The following SCHIP1 variants were observed in gnomAD, a reference collection of about 807,000 sequenced individuals.
SCHIP1 encodes the protein schwannomin interacting protein 1.
In SCHIP1, 8 loss-of-function variants were observed where a neutral mutation model predicts 29.7. That is an observed-to-expected ratio of 0.27 (90% CI 0.16 to 0.49). SCHIP1 has a LOEUF of 0.49. Among genes scored for constraint, SCHIP1 ranks in the 20% least tolerant of loss-of-function variants. The probability of loss-of-function intolerance (pLI) is 0.99; values close to 1 mark genes in which losing one functional copy is unlikely to be tolerated. For missense variants in SCHIP1, 193 were observed against 294.6 expected (o/e 0.66, Z 2.52); for synonymous variants, 76 against 94.9 (o/e 0.80, Z 1.16).
chr3:159,419,822 T>A, the SCHIP1 span, among the ~76,000 whole-genome samples: 7 of 151,940 alleles, frequency 4.6e-5, no homozygotes, highest in African/African-American at 1.7e-4. Flanking sequence ...GAAAAAAAAA[T>A]TAATGATATC....
chr3:159,428,104 C>T, the SCHIP1 span, among the ~76,000 whole-genome samples: 1 of 151,678 alleles, frequency 6.6e-6, no homozygotes, highest in Non-Finnish European at 1.5e-5. Context: ...AGAAGAAAAC[C>T]TAGGCAATAC....
the SCHIP1 span, among the ~76,000 whole-genome samples, chr3:159,718,027 A>G: frequency 6.6e-6 from 1 of 152,176 alleles, no homozygotes; most frequent in African/African-American, 2.4e-5. Flanking sequence ...AAAAGCTTAT[A>G]CACCGTGATT....
the SCHIP1 span, among the ~76,000 whole-genome samples, chr3:159,337,508 C>T: frequency 1.3e-5 from 2 of 152,158 alleles, no homozygotes; most frequent in East Asian, 3.8e-4. Context: ...TCTCAGGATA[C>T]AAAATCAATG....
chr3:159,626,123 TAGATAG>T, the SCHIP1 span, among the ~76,000 whole-genome samples: 2 of 121,546 alleles, frequency 1.6e-5, no homozygotes, highest in Non-Finnish European at 3.0e-5. Context: ...GATAGATAGA[TAGATAG>T]ATAGATAGAT....
the SCHIP1 span, among the ~76,000 whole-genome samples, chr3:159,762,945 A>G: frequency 6.6e-6 from 1 of 152,012 alleles, no homozygotes; most frequent in Non-Finnish European, 1.5e-5. Context: ...AGGTGGCGGA[A>G]AGAGTCTCTG....
the SCHIP1 span, among the ~76,000 whole-genome samples, chr3:159,541,203 A>T: frequency 2.0e-5 from 3 of 152,098 alleles, no homozygotes; most frequent in Non-Finnish European, 2.9e-5. Flanking sequence ...ACAAATACAG[A>T]GGACTTGGGA....
At chr3:159,839,980 C>T in exon 1 of SCHIP1, 1 of 1,430,614 alleles carries the variant, frequency 7.0e-7, no homozygotes, top group Non-Finnish European at 9.1e-7. Flanking sequence ...GGCTGGAGAG[C>T]AGCTCAGCTC....
chr3:159,690,318 T>C, the SCHIP1 span, among the ~76,000 whole-genome samples: 4 of 152,240 alleles, frequency 2.6e-5, no homozygotes, highest in Admixed American at 1.3e-4. Context: ...CCTGGTTTAG[T>C]CTTGGGAGAG....
chr3:159,437,732 A>G, the SCHIP1 span, among the ~76,000 whole-genome samples: 1 of 152,156 alleles, frequency 6.6e-6, no homozygotes, highest in Admixed American at 6.6e-5. Context: ...GCTCAAAGGA[A>G]GCCTTGTAAT....
At chr3:159,820,391 A>C in the SCHIP1 span, among the ~76,000 whole-genome samples, 1 of 152,214 alleles carries the variant, frequency 6.6e-6, no homozygotes, top group Non-Finnish European at 1.5e-5. Context: ...AAACACTTGA[A>C]ATTATAATTT....
chr3:159,339,761 C>T, the SCHIP1 span, among the ~76,000 whole-genome samples: 1 of 152,088 alleles, frequency 6.6e-6, no homozygotes, highest in Non-Finnish European at 1.5e-5. Context: ...TCCTGTTAAA[C>T]TTTTCTCTAG....
the SCHIP1 span, among the ~76,000 whole-genome samples, chr3:159,302,891 T>C: frequency 6.6e-6 from 1 of 152,120 alleles, no homozygotes; most frequent in African/African-American, 2.4e-5. Flanking sequence ...CAAATAAGAC[T>C]AAAATTATGT....
the SCHIP1 span, among the ~76,000 whole-genome samples, chr3:159,393,207 A>T: frequency 1.3e-5 from 2 of 151,978 alleles, no homozygotes; most frequent in East Asian, 1.9e-4. Context: ...TAGATTCTGG[A>T]TATTAGCCCT....
chr3:159,419,945 G>A, the SCHIP1 span, among the ~76,000 whole-genome samples: 1 of 152,300 alleles, frequency 6.6e-6, no homozygotes, highest in African/African-American at 2.4e-5. Flanking sequence ...TCACTCCAAA[G>A]ACCATTTAAG....
the SCHIP1 span, among the ~76,000 whole-genome samples, chr3:159,503,178 T>TC: frequency 6.6e-6 from 1 of 152,076 alleles, no homozygotes; most frequent in African/African-American, 2.4e-5. Context: ...TACAGGTGGC[T>TC]CCCCCTAGCT....
At chr3:159,536,612 T>C in the SCHIP1 span, among the ~76,000 whole-genome samples, 8 of 151,984 alleles carry the variant, frequency 5.3e-5, no homozygotes, top group Admixed American at 4.6e-4. Context: ...AAAGAGACTG[T>C]GAAAGTTCTA....
At chr3:159,349,360 G>A in the SCHIP1 span, among the ~76,000 whole-genome samples, 4 of 152,174 alleles carry the variant, frequency 2.6e-5, no homozygotes, top group African/African-American at 9.7e-5. Context: ...ACATTAAAAA[G>A]TATCTTAGAG....
chr3:159,881,865 CT>C (rs978851969), intron 2 of SCHIP1, among the ~76,000 whole-genome samples: 11 of 152,228 alleles, frequency 7.2e-5, no homozygotes, highest in Admixed American at 2.0e-4. Context: ...ATTCAGTCAT[CT>C]CCGGTCAGCG....
chr3:159,326,096 C>G, the SCHIP1 span, among the ~76,000 whole-genome samples: 648 of 152,216 alleles, frequency 4.3e-3, 3 homozygotes, highest in African/African-American at 0.015. Context: ...GATAATGTCA[C>G]TGAGACACGG....
Sources: gnomAD v4.1 joint callset for allele counts (sites outside exome capture counted in the v4.1 genomes callset) on GRCh38, gnomAD v4.1.1 for gene constraint, MANE v1.5 for transcripts, NCBI Gene and HGNC (gene_info 2026-07-23, HGNC 2026-07-21) for gene names.